The following ZNF407 variants were observed in gnomAD, a reference collection of about 807,000 sequenced individuals.
The protein encoded by ZNF407 is zinc finger protein 407.
In ZNF407, 17 loss-of-function variants were observed where a neutral mutation model predicts 131.2. The ratio of observed to expected loss-of-function variants is 0.13; its 90% CI spans 0.09 to 0.19. The LOEUF is 0.19. Among genes scored for constraint, ZNF407 ranks in the 10% least tolerant of loss-of-function variants. ZNF407 has a pLI of 1.00. For missense variants in ZNF407, 2,681 were observed against 2,830.6 expected, an observed-to-expected ratio of 0.95 and a Z score of 1.20; for synonymous variants, 1,156 against 1,062.0, an observed-to-expected ratio of 1.09 and a Z score of -1.72.
chr18:74,775,935 A>T (rs1969461406), intron 3 of ZNF407, among the ~76,000 whole-genome samples: 1 of 152,188 alleles, frequency 6.6e-6, no homozygotes, highest in Non-Finnish European at 1.5e-5. Context: ...TACAGTACCG[A>T]GGCTGACGCT....
At chr18:74,934,293 A>C (rs894704708) in intron 8 of ZNF407, among the ~76,000 whole-genome samples, 6 of 152,202 alleles carry the variant, frequency 3.9e-5, no homozygotes, top group Non-Finnish European at 7.4e-5. Flanking sequence ...ATGGAATATA[A>C]ATTTTATTTT....
Position 74,633,033 on chromosome 18 carries a change from A to G in ZNF407, c.2014A>G (p.Lys672Glu), listed in dbSNP as rs984191729. Residue 672 changes from lysine to glutamate, a missense_variant, in exon 2 of 9, where the codon AAA becomes GAA. Transcript: ENST00000299687. ...GAGTACTTTAGAATCAGAAAACGCA[A>G]AAGAGTCTATGGATGACTCAGGAAA... Reference protein sequence around the residue: ...PLSTLESENAKESMDDSGKAS... With the variant: ...PLSTLESENAEESMDDSGKAS... 2 of 1,613,840 alleles carry G rather than the reference A, an allele frequency of 1.2e-6. No homozygotes were observed. The highest frequency in any genetic ancestry group is 1.7e-6 in the Non-Finnish European group (2 of 1,179,900).
intron 8 of ZNF407, among the ~76,000 whole-genome samples, chr18:75,060,536 C>T (rs187177285): frequency 2.4e-3 from 290 of 122,460 alleles, no homozygotes; most frequent in Middle Eastern, 8.3e-3. Flanking sequence ...GACGGAGTCT[C>T]GCTCTGTCGC....
intron 3 of ZNF407, among the ~76,000 whole-genome samples, chr18:74,737,198 GATTT>G (rs1968437764): frequency 6.6e-6 from 1 of 152,122 alleles, no homozygotes. Context: ...AGGCATTTTT[GATTT>G]ATTTGTTTTT....
At chr18:75,020,340 G>GTGTA (rs1555710244) in intron 8 of ZNF407, among the ~76,000 whole-genome samples, 28 of 127,768 alleles carry the variant, frequency 2.2e-4, no homozygotes, top group Non-Finnish European at 3.8e-4. Context: ...GTGTGTGTGT[G>GTGTA]TATATATATA....
At chr18:74,639,157 T>A (rs1984595472) in intron 2 of ZNF407, among the ~76,000 whole-genome samples, 1 of 152,146 alleles carries the variant, frequency 6.6e-6, no homozygotes, top group Non-Finnish European at 1.5e-5. Context: ...GGACAGTAAA[T>A]TGAACACACC....
intron 4 of ZNF407, among the ~76,000 whole-genome samples, chr18:74,848,620 C>A (rs1304053153): frequency 1.3e-5 from 2 of 152,056 alleles, no homozygotes; most frequent in Non-Finnish European, 2.9e-5. Context: ...TATATAAATA[C>A]CTCAGTAGGC....
chr18:74,929,928 T>A (rs1971962480), intron 8 of ZNF407, among the ~76,000 whole-genome samples: 1 of 152,238 alleles, frequency 6.6e-6, no homozygotes, highest in Non-Finnish European at 1.5e-5. Flanking sequence ...GCAGAAATAG[T>A]ACAGAGAGTT....
chr18:74,653,655 A>G (rs1985324756), intron 3 of ZNF407, among the ~76,000 whole-genome samples: 1 of 151,772 alleles, frequency 6.6e-6, no homozygotes, highest in African/African-American at 2.4e-5. Context: ...ATTCATAGTG[A>G]TTAGTTTCAA....
intron 7 of ZNF407, among the ~76,000 whole-genome samples, chr18:74,913,828 G>A (rs951981482): frequency 1.3e-5 from 2 of 152,172 alleles, no homozygotes; most frequent in African/African-American, 4.8e-5. Flanking sequence ...TGAGTGTGTA[G>A]TACTGACTAA....
intron 1 of ZNF407, among the ~76,000 whole-genome samples, chr18:74,618,712 G>T (rs1385456516): frequency 3.9e-5 from 6 of 152,144 alleles, no homozygotes; most frequent in African/African-American, 2.4e-5. Flanking sequence ...GTATAGAAAA[G>T]TGCCAAGAAG....
intron 8 of ZNF407, among the ~76,000 whole-genome samples, chr18:74,977,008 C>T (rs1972535967): frequency 1.3e-5 from 2 of 152,146 alleles, no homozygotes; most frequent in South Asian, 2.1e-4. Context: ...GCTGGACAGG[C>T]AGAAAAGAGA....
At chr18:74,642,029 T>TC (rs1362875355) in intron 3 of ZNF407, among the ~76,000 whole-genome samples, 1 of 151,718 alleles carries the variant, frequency 6.6e-6, no homozygotes, top group Non-Finnish European at 1.5e-5. Flanking sequence ...TAGGTTTTTT[T>TC]TTTAGTAGAA....
At chr18:74,755,753 C>CTT (rs1968932186) in intron 3 of ZNF407, among the ~76,000 whole-genome samples, 2 of 117,814 alleles carry the variant, frequency 1.7e-5, no homozygotes, top group South Asian at 3.2e-4. Flanking sequence ...TTCTTTCTTT[C>CTT]TTTCTTTCTT....
chr18:74,709,126 T>C (rs554335355), intron 3 of ZNF407, among the ~76,000 whole-genome samples: 13 of 152,234 alleles, frequency 8.5e-5, no homozygotes, highest in Non-Finnish European at 1.6e-4. Flanking sequence ...TGATTTCTTA[T>C]ATTTTGAAAT....
chr18:74,867,107 A>C (rs1036509093), intron 4 of ZNF407, among the ~76,000 whole-genome samples: 7 of 152,062 alleles, frequency 4.6e-5, no homozygotes, highest in African/African-American at 1.7e-4. Context: ...CTAATGTCCC[A>C]AGGTCAGAGA....
intron 8 of ZNF407, among the ~76,000 whole-genome samples, chr18:75,021,730 A>C (rs1409645122): frequency 2.0e-5 from 3 of 152,002 alleles, no homozygotes; most frequent in Admixed American, 6.5e-5. Flanking sequence ...TGCACTAAAG[A>C]GTTAAATTTT....
At chr18:74,872,193 A>T (rs900161441) in intron 4 of ZNF407, among the ~76,000 whole-genome samples, 1 of 124,656 alleles carries the variant, frequency 8.0e-6, no homozygotes, top group African/African-American at 3.1e-5. Flanking sequence ...CCACAGGCTG[A>T]TCAGTGGTGA....
intron 7 of ZNF407, among the ~76,000 whole-genome samples, chr18:74,914,993 G>A (rs1486800972): frequency 6.6e-6 from 1 of 152,170 alleles, no homozygotes; most frequent in Non-Finnish European, 1.5e-5. Flanking sequence ...TCTTGTTAAA[G>A]TATACATGTA....
Sources: gnomAD v4.1 joint callset for allele counts (sites outside exome capture counted in the v4.1 genomes callset) on GRCh38, gnomAD v4.1.1 for gene constraint, MANE v1.5 for transcripts, NCBI Gene and HGNC (gene_info 2026-07-23, HGNC 2026-07-21) for gene names.